The following MSH3 variants were observed in gnomAD, a reference collection of about 807,000 sequenced individuals.
MSH3 encodes the protein mutS homolog 3.
In MSH3, 106 loss-of-function variants were observed where a neutral mutation model predicts 123.3. The observed-to-expected ratio is 0.86, with a 90% CI of 0.73 to 1.01. MSH3 has a LOEUF of 1.01. Among genes scored for constraint, MSH3 ranks in the 50% least tolerant of loss-of-function variants. The pLI is 0.00. For synonymous variants in MSH3, 515 were observed against 481.4 expected (o/e 1.07, Z -0.91); for missense variants, 1,459 against 1,347.6 (o/e 1.08, Z -1.29).
intron 8 of MSH3, among the ~76,000 whole-genome samples, chr5:80,697,089 C>T (rs1339132294): frequency 6.6e-6 from 1 of 152,210 alleles, no homozygotes; most frequent in Non-Finnish European, 1.5e-5. Flanking sequence ...AGCTCTCCAT[C>T]AGAGTGCTGT....
In MSH3 at chr5:80,678,908, T is replaced by G; in HGVS notation, c.1174-19T>G. On this transcript the variant is annotated intron_variant, in intron 7 of 23. Coordinates refer to ENST00000265081, the MANE Select transcript of MSH3 (RefSeq NM_002439.5). ...GAAATACATTTTTTCTGTAACATTA[T>G]ATTTGTATTTGTTTTTAGGGAGTGC... is the stretch of plus-strand genomic sequence containing the variant. The G allele has an allele frequency of 6.2e-7, 1 of 1,613,736 alleles. No homozygotes were observed. Among genetic ancestry groups the G allele is most frequent in the Non-Finnish European group, 8.5e-7 (1 of 1,179,688 alleles).
intron 22 of MSH3, 75 bp from the exon 23 acceptor site, chr5:80,873,041 T>G: frequency 1.6e-6 from 2 of 1,284,888 alleles, no homozygotes; most frequent in Non-Finnish European, 2.3e-6. Flanking sequence ...TTATGAGAAC[T>G]TACATGTCCT....
intron 20 of MSH3, among the ~76,000 whole-genome samples, chr5:80,815,453 G>A (rs1422690702): frequency 2.0e-5 from 3 of 152,124 alleles, no homozygotes; most frequent in Non-Finnish European, 2.9e-5. Flanking sequence ...TTACTGAGCC[G>A]AATAGCAAGA....
Position 80,741,159 on chromosome 5 carries a change from G to A in MSH3, c.1569-305G>A, listed in dbSNP as rs138455514. On this transcript the variant is annotated intron_variant, in intron 10 of 23. Transcript: ENST00000265081. ...CTACTGTGCTTGGCTAATGATAAAA[G>A]ACCATGTTTGGTTCTATTCCTAGAG... Among the ~76,000 whole-genome samples, 14 of 152,188 alleles carry A rather than the reference G, an allele frequency of 9.2e-5. No homozygotes were observed. The East Asian group carries it at 2.7e-3, about 29-fold the overall frequency.
intron 3 of MSH3, among the ~76,000 whole-genome samples, chr5:80,669,113 A>C (rs1749638402): frequency 6.6e-6 from 1 of 152,178 alleles, no homozygotes. Context: ...CACTGTTCAA[A>C]TAAATTGAGT....
intron 3 of MSH3, among the ~76,000 whole-genome samples, chr5:80,667,812 C>T (rs1214488343): frequency 6.6e-6 from 1 of 152,282 alleles, no homozygotes; most frequent in South Asian, 2.1e-4. Context: ...GCTTAGGAGC[C>T]CCTAGGTCTG....
At position 80,761,549 on chromosome 5, in the gene MSH3, A is replaced by G. The variant is rs753479626; in HGVS notation, c.1767A>G (p.Glu589=). Residue 589 remains glutamate (E), a synonymous_variant, in exon 13 of 24, where the codon GAA becomes GAG. Coordinates refer to ENST00000265081, the MANE Select transcript of MSH3 (RefSeq NM_002439.5). ...TGCTATTACTCTTTTCTCACAGGGA[A>G]ATAAATGCCCGGCTTGATGCTGTAT... ...WVTQPLLKLR[E]INARLDAVSE... 6.2e-7 allele frequency: 1 copy of G among 1,614,142 alleles called. No homozygotes were observed. The highest frequency in any genetic ancestry group is 1.1e-5 in the South Asian group (1 of 91,082).
Position 80,679,003 on chromosome 5 carries a change from G to T in MSH3, c.1250G>T (p.Arg417Leu), listed in dbSNP as rs778162840. ...GCTTCTCGTTCAGAGCTAGAAACCC[G>T]GATGTCAAGCCTGCAGCCAGTAGAG... ...DSASRSELET[R>L]MSSLQPVELL... The change falls in exon 8 of 24, where the codon CGG (arginine) becomes CTG (leucine). Residue 417 changes from arginine (R) to leucine (L), a missense_variant. Transcript: ENST00000265081. 4 of 1,614,102 alleles carry T rather than the reference G, an allele frequency of 2.5e-6. No individual in the cohort carries two copies. Among genetic ancestry groups the T allele is most frequent in the Non-Finnish European group, 3.4e-6 (4 of 1,179,998 alleles).
chr5:80,758,884 T>C (rs1335839968), intron 12 of MSH3, among the ~76,000 whole-genome samples: 2 of 152,238 alleles, frequency 1.3e-5, no homozygotes, highest in Admixed American at 6.5e-5. Context: ...GGCATTATTT[T>C]ATCAGTCCTC....
intron 10 of MSH3, among the ~76,000 whole-genome samples, chr5:80,731,949 G>C (rs1743419615): frequency 6.6e-6 from 1 of 152,114 alleles, no homozygotes; most frequent in Non-Finnish European, 1.5e-5. Flanking sequence ...CACAAACGTT[G>C]CTGCATATTT....
chr5:80,733,738 G>A (rs1743454277), intron 10 of MSH3, among the ~76,000 whole-genome samples: 2 of 151,978 alleles, frequency 1.3e-5, no homozygotes, highest in Admixed American at 6.5e-5. Context: ...ACATCATTAA[G>A]CATCAGGTAA....
At chr5:80,817,347 T>C (rs1745123333) in intron 20 of MSH3, among the ~76,000 whole-genome samples, 1 of 151,686 alleles carries the variant, frequency 6.6e-6, no homozygotes, top group South Asian at 2.1e-4. Context: ...TTTCGTGGAG[T>C]GGTGGGGCCA....
chr5:80,732,188 CAG>C (rs1743424143), intron 10 of MSH3, among the ~76,000 whole-genome samples: 1 of 152,066 alleles, frequency 6.6e-6, no homozygotes, highest in African/African-American at 2.4e-5. Flanking sequence ...TTTATTATAA[CAG>C]AATTAACCTG....
At chr5:80,870,516 C>T (rs1411178763) in intron 22 of MSH3, among the ~76,000 whole-genome samples, 6 of 152,184 alleles carry the variant, frequency 3.9e-5, no homozygotes, top group Admixed American at 3.9e-4. Context: ...CAGGCACTGG[C>T]TTCTAGCTGC....
At chr5:80,703,754 T>C (rs1358294492) in intron 8 of MSH3, among the ~76,000 whole-genome samples, 2 of 152,200 alleles carry the variant, frequency 1.3e-5, no homozygotes, top group Non-Finnish European at 2.9e-5. Flanking sequence ...TCCTGTATAC[T>C]AAAGTAGTCC....
chr5:80,724,941 G>T lies in MSH3; in HGVS notation c.1341-512G>T, dbSNP rs1470762038. Among the ~76,000 whole-genome samples, 8 of 152,148 alleles carry T rather than the reference G, an allele frequency of 5.3e-5. No individual in the cohort carries two copies. The East Asian group carries it at 1.5e-3, about 29-fold the overall frequency. On this transcript the variant is annotated intron_variant, in intron 8 of 23. Transcript: ENST00000265081. ...GTTAATAAAAAGTACTTGGCCAGGC[G>T]CAGTGGCTCACGCCTGTAATCCCAG...
intron 8 of MSH3, among the ~76,000 whole-genome samples, chr5:80,699,323 A>G (rs1325495886): frequency 6.6e-6 from 1 of 151,956 alleles, no homozygotes. Context: ...CTATGGGAGG[A>G]CGAGATGGGT....
chr5:80,724,650 TGAGA>T (rs1449961885), intron 8 of MSH3, among the ~76,000 whole-genome samples: 1 of 152,124 alleles, frequency 6.6e-6, no homozygotes, highest in Non-Finnish European at 1.5e-5. Context: ...CTTTAAAGAG[TGAGA>T]GTTAACCTAA....
chr5:80,800,769 C>T (rs1316691974), intron 19 of MSH3, among the ~76,000 whole-genome samples: 1 of 152,158 alleles, frequency 6.6e-6, no homozygotes, highest in African/African-American at 2.4e-5. Flanking sequence ...TTGTTCTAGG[C>T]AACGGGGATG....
Sources: allele counts gnomAD v4.1 joint callset (sites outside exome capture counted in the v4.1 genomes callset), GRCh38; gene constraint gnomAD v4.1.1; transcripts MANE v1.5; gene names NCBI Gene and HGNC (gene_info 2026-07-23, HGNC 2026-07-21).